The following LAX1 variants were observed in gnomAD, a reference collection of about 807,000 sequenced individuals.
LAX1 encodes lymphocyte transmembrane adaptor 1, also known as lymphocyte transmembrane adapter 1.
A neutral mutation model predicts 20.7 loss-of-function variants in LAX1; 17 were observed. The observed-to-expected ratio is 0.82, with a 90% CI of 0.56 to 1.23. The LOEUF (loss-of-function observed/expected upper bound fraction) is 1.23. Ranked by LOEUF, LAX1 falls within the 50% of genes most tolerant of loss-of-function variation. The pLI is 0.00. For synonymous variants in LAX1, 165 were observed against 181.0 expected (o/e 0.91, Z 0.71); for missense variants, 470 against 487.0 (o/e 0.97, Z 0.33).
chr1:203,771,253 G>A (rs1187545341), intron 2 of LAX1, 114 bp from the exon 3 acceptor site: 2 of 767,838 alleles, frequency 2.6e-6, no homozygotes, highest in East Asian at 2.4e-5. Flanking sequence ...GGGTATTTTT[G>A]TGAGAACTGG....
chr1:203,769,454 A>AAAGAAAG (rs759242546), intron 1 of LAX1, among the ~76,000 whole-genome samples: 7,012 of 106,096 alleles, frequency 0.066, 414 homozygotes, highest in Middle Eastern at 0.1. Context: ...GGAAAGAAAG[A>AAAGAAAG]AAAGAAAAGA....
At chr1:203,769,754 C>T (rs1274333430) in intron 1 of LAX1, 1 of 139,198 alleles carries the variant, frequency 7.2e-6, no homozygotes, top group Middle Eastern at 3.6e-3. Flanking sequence ...TGCTTGGAGA[C>T]CAGCTCCACA....
chr1:203,774,813 G>A lies in LAX1; in HGVS notation c.*132G>A. 2.8e-6 allele frequency: 2 copies of A among 725,548 alleles called. No homozygotes were observed. The highest frequency in any genetic ancestry group is 4.5e-6 in the Non-Finnish European group (2 of 447,594). The allele number at this position is 725,548 out of a possible 1,614,324, so 44.9% of individuals were successfully genotyped here. On this transcript the variant is annotated 3_prime_UTR_variant, in exon 5 of 5. Coordinates refer to ENST00000442561, the MANE Select transcript of LAX1 (RefSeq NM_017773.4). ...TCACTGGTTAGATTAAAAAGAGGCT[G>A]AGATGAGCAGTGAACTAAGAGGCCA...
chr1:203,774,458 C>A lies in LAX1; in HGVS notation c.974C>A (p.Thr325Lys), dbSNP rs1320015446. The A allele has an allele frequency of 1.2e-6, 2 of 1,614,208 alleles. No individual in the cohort carries two copies. The highest frequency in any genetic ancestry group is 1.7e-6 in the Non-Finnish European group (2 of 1,180,048). ...SSNIGHVEDK[T>K]DDPGTHVQCV... ...AACATAGGTCATGTCGAGGACAAGA[C>A]AGATGATCCCGGGACCCATGTCCAA... Residue 325 changes from threonine (T) to lysine (K), a missense_variant, in exon 5 of 5, where the codon ACA becomes AAA. By Grantham distance (78) the Thr-to-Lys change is moderately conservative (BLOSUM62 -1). Coordinates refer to ENST00000442561, the MANE Select transcript of LAX1 (RefSeq NM_017773.4).
At chr1:203,765,803 AT>A in intron 1 of LAX1, 149 bp downstream of exon 1, 1 of 731,618 alleles carries the variant, frequency 1.4e-6, no homozygotes. Flanking sequence ...GCTTGGAGGC[AT>A]TTGCTCAGGG....
At chr1:203,771,590 T>C in intron 3 of LAX1, 113 bp downstream of exon 3, 2 of 741,352 alleles carry the variant, frequency 2.7e-6, no homozygotes, top group South Asian at 3.0e-5. Flanking sequence ...TGTTTGCCCT[T>C]CAGAGAGTAT....
At chr1:203,766,440 G>A (rs1339631916) in intron 1 of LAX1, among the ~76,000 whole-genome samples, 1 of 152,124 alleles carries the variant, frequency 6.6e-6, no homozygotes, top group Non-Finnish European at 1.5e-5. Flanking sequence ...TCATGTCATT[G>A]TACTCCAGCC....
Position 203,765,557 on chromosome 1 carries a change from C to T in LAX1, c.-9C>T, listed in dbSNP as rs1558068349. The T allele has an allele frequency of 6.2e-7, 1 of 1,614,060 alleles. No individual in the cohort carries two copies. The highest frequency in any genetic ancestry group is 8.5e-7 in the Non-Finnish European group (1 of 1,180,002). On this transcript the variant is annotated 5_prime_UTR_variant, in exon 1 of 5. Coordinates refer to ENST00000442561, the MANE Select transcript of LAX1 (RefSeq NM_017773.4). ...GAAGCCAGAGAGCATCTCAAAGGTT[C>T]CTGATACAATGGATGGTGTCACTCC...
At chr1:203,770,514 A>AAGGAAGGAAGG (rs1558070890) in intron 1 of LAX1, among the ~76,000 whole-genome samples, 3 of 106,590 alleles carry the variant, frequency 2.8e-5, no homozygotes, top group African/African-American at 7.0e-5. Context: ...AGGAAGGAAG[A>AAGGAAGGAAGG]AAGAAAGAAA....
Position 203,773,872 on chromosome 1 carries a change from T to C in LAX1, c.391-3T>C. ...ACCACTGGCTTCCTTTTCTTCTTCA[T>C]AGCCCTCCCAAGCAGGCAATGCCTT... On this transcript the variant is annotated splice_polypyrimidine_tract_variant and splice_region_variant and intron_variant, in intron 4 of 4. Coordinates refer to ENST00000442561, the MANE Select transcript of LAX1 (RefSeq NM_017773.4). 1.3e-6 allele frequency: 2 copies of C among 1,511,428 alleles called. No homozygotes were observed. The highest frequency in any genetic ancestry group is 1.8e-6 in the Non-Finnish European group (2 of 1,113,898). The allele number at this position is 1,511,428 out of a possible 1,614,324, so 93.6% of individuals were successfully genotyped here. A position where few individuals can be genotyped will look rare whatever the true frequency, so the allele number is the denominator to read the frequency against.
chr1:203,767,767 G>A (rs1484607417), intron 1 of LAX1, among the ~76,000 whole-genome samples: 1 of 152,034 alleles, frequency 6.6e-6, no homozygotes, highest in Non-Finnish European at 1.5e-5. Flanking sequence ...ACTGTTTAAG[G>A]CACTAGGTGA....
chr1:203,771,010 T>C, intron 2 of LAX1, 73 bp downstream of exon 2: 1 of 1,226,778 alleles, frequency 8.2e-7, no homozygotes. Context: ...AAGCCCAGCT[T>C]ATTTACCAGG....
At chr1:203,769,603 T>C (rs1465513399) in intron 1 of LAX1, 1 of 152,080 alleles carries the variant, frequency 6.6e-6, no homozygotes, top group East Asian at 1.9e-4. Context: ...CCTGTTGCAT[T>C]AGGCATAGCC....
chr1:203,769,783 G>GGGGGT (rs1667373028), intron 1 of LAX1: 1 of 149,184 alleles, frequency 6.7e-6, no homozygotes, highest in Non-Finnish European at 1.5e-5. Context: ...CGGGGGGGGG[G>GGGGGT]GCGGCGGGGG....
rs1276883723 is a variant in LAX1 at position 203,775,781 on chromosome 1, T to C, written c.*1100T>C. 6.6e-6 allele frequency: 1 copy of C among 152,166 alleles called. No individual in the cohort carries two copies. Among genetic ancestry groups the C allele is most frequent in the East Asian group, 1.9e-4 (1 of 5,194 alleles). 9.4% of individuals were successfully genotyped at this position (152,166 alleles called of 1,614,324 possible). Reference sequence around the variant, plus strand: ...TGGTTCACACAATAATATAGACATATCTTAAATCCATTTTGCTAAGTGAAA... The same window carrying C: ...TGGTTCACACAATAATATAGACATACCTTAAATCCATTTTGCTAAGTGAAA... On this transcript the variant is annotated 3_prime_UTR_variant, in exon 5 of 5. Coordinates refer to ENST00000442561, the MANE Select transcript of LAX1 (RefSeq NM_017773.4).
In LAX1 at chr1:203,771,462, C is replaced by T. The variant is rs763280558; in HGVS notation, c.295C>T (p.Arg99Ter). The change falls in exon 3 of 5, where the codon CGA becomes TGA. Residue 99 changes from arginine (R) to a stop codon, truncating the protein, a stop_gained. Transcript: ENST00000442561. LOFTEE classifies it high-confidence loss of function. ...AKNIYDILPWRQEDLGRHESR... is the reference protein window; with the variant it reads ...AKNIYDILPW ...AAATATTTATGACATCTTGCCTTGG[C>T]GACAGGAAGACCTGGGTAGGTTTTT... 1.7e-5 allele frequency: 28 copies of T among 1,607,374 alleles called. No individual in the cohort carries two copies. The highest frequency in any genetic ancestry group is 5.4e-5 in the African/African-American group (4 of 74,722).
In LAX1 at chr1:203,770,861, G is replaced by A; in HGVS notation, c.123G>A (p.Gly41=). 6.2e-7 allele frequency: 1 copy of A among 1,614,184 alleles called. No individual in the cohort carries two copies. Among genetic ancestry groups the A allele is most frequent in the Non-Finnish European group, 8.5e-7 (1 of 1,180,022 alleles). Reference sequence around the variant, plus strand: ...ACCAGATCACCAACATCTTTTCCGGGTTTGCGGGACTCCTCGCCATCCTCC... The same window carrying A: ...ACCAGATCACCAACATCTTTTCCGGATTTGCGGGACTCCTCGCCATCCTCC... ...NKDQITNIFS[G]FAGLLAILLV... is the part of the protein sequence containing the mutation. The change falls in exon 2 of 5, where the codon GGG becomes GGA. Residue 41 remains glycine, a synonymous_variant. Transcript: ENST00000442561.
intron 1 of LAX1, among the ~76,000 whole-genome samples, chr1:203,767,879 C>T (rs948275604): frequency 6.6e-6 from 1 of 152,014 alleles, no homozygotes; most frequent in Non-Finnish European, 1.5e-5. Flanking sequence ...TAATCCAAGC[C>T]TTTGGTAGAC....
In LAX1 at chr1:203,771,544, A is replaced by G. The variant is rs990428618; in HGVS notation, c.310+67A>G. 15 of 971,994 alleles carry G rather than the reference A, an allele frequency of 1.5e-5. No homozygotes were observed. In the African/African-American group the frequency reaches 2.2e-4, roughly 15 times the overall value. The allele number at this position is 971,994 out of a possible 1,614,324, so 60.2% of individuals were successfully genotyped here. A position where few individuals can be genotyped will look rare whatever the true frequency, so the allele number is the denominator to read the frequency against. ...CTTCTACTCCCAGAATGTGCCTCTCACCCTCCAGAAGCAATTTTCTTTAAG... is the reference window on the plus strand; with the variant it reads ...CTTCTACTCCCAGAATGTGCCTCTCGCCCTCCAGAAGCAATTTTCTTTAAG... On this transcript the variant is annotated intron_variant, in intron 3 of 4. Transcript: ENST00000442561.
Sources: gnomAD v4.1 joint callset for allele counts (sites outside exome capture counted in the v4.1 genomes callset) on GRCh38, gnomAD v4.1.1 for gene constraint, MANE v1.5 for transcripts, NCBI Gene and HGNC (gene_info 2026-07-23, HGNC 2026-07-21) for gene names.